Variants in ABCE1 observed in about 807,000 individuals in gnomAD.
ABCE1 encodes the protein ATP-binding cassette sub-family E member 1.
Under a neutral mutation model 83.4 loss-of-function variants are expected in ABCE1, and 22 were observed. The ratio of observed to expected loss-of-function variants is 0.26; its 90% confidence interval spans 0.19 to 0.38. ABCE1 has a LOEUF of 0.38. Among genes scored for constraint, ABCE1 ranks in the 10% least tolerant of loss-of-function variants. The pLI is 1.00. For missense variants in ABCE1, 330 were observed against 721.9 expected, an observed-to-expected ratio of 0.46 and a Z score of 6.22; for synonymous variants, 204 against 233.7, an observed-to-expected ratio of 0.87 and a Z score of 1.16.
At chr4:145,101,048 A>T (rs1047099253) in intron 1 of ABCE1, among the ~76,000 whole-genome samples, 10 of 151,696 alleles carry the variant, frequency 6.6e-5, no homozygotes, top group African/African-American at 2.2e-4. Context: ...AGATGTGTGC[A>T]TATACACCAG....
intron 8 of ABCE1, among the ~76,000 whole-genome samples, chr4:145,111,402 C>T (rs989969438): frequency 6.6e-6 from 1 of 152,224 alleles, no homozygotes; most frequent in African/African-American, 2.4e-5. Flanking sequence ...TGGCTCACTA[C>T]AAGCTCCACC....
intron 16 of ABCE1, 71 bp downstream of exon 16, chr4:145,123,671 T>C: frequency 7.0e-7 from 1 of 1,421,360 alleles, no homozygotes; most frequent in South Asian, 1.4e-5. Flanking sequence ...AGTCACTCAC[T>C]TTAATTTTTA....
At position 145,104,487 on chromosome 4, in the gene ABCE1, CAA is replaced by C. The variant is rs1749243868; in HGVS notation, c.79_80del (p.Lys27GlufsTer36). The C allele has an allele frequency of 6.3e-7, 1 of 1,599,406 alleles. No homozygotes were observed. Among genetic ancestry groups the C allele is most frequent in the Admixed American group, 1.7e-5 (1 of 57,648 alleles). On this transcript the variant is annotated frameshift_variant, in exon 2 of 18. Coordinates refer to ENST00000296577, the MANE Select transcript of ABCE1 (RefSeq NM_002940.3). LOFTEE classifies it high-confidence loss of function. ...CKPKKCRQEC[K>X]KSCPVVRMGK... ...AACCTAAGAAATGTCGACAGGAATG[CAA>C]AAAGAGTTGTCCTGTAGTTCGAATG... is the stretch of plus-strand genomic sequence containing the variant.
chr4:145,114,049 A>G (rs1185195569), intron 9 of ABCE1, among the ~76,000 whole-genome samples: 1 of 152,180 alleles, frequency 6.6e-6, no homozygotes, highest in African/African-American at 2.4e-5. Flanking sequence ...AGATTCAAGG[A>G]GCACAAGTTC....
At chr4:145,116,510 T>C (rs1749609861) in intron 9 of ABCE1, among the ~76,000 whole-genome samples, 1 of 151,936 alleles carries the variant, frequency 6.6e-6, no homozygotes. Flanking sequence ...AGAATTTTTA[T>C]TTGTGTAGGA....
In ABCE1 at chr4:145,127,777, C is replaced by T. The variant is rs1749933152; in HGVS notation, c.*204C>T. 1 of 435,114 alleles carries T rather than the reference C, an allele frequency of 2.3e-6. No individual in the cohort carries two copies. The highest frequency in any genetic ancestry group is 4.2e-5 in the East Asian group (1 of 23,754). The allele number at this position is 435,114 out of a possible 1,614,324, so 27.0% of individuals were successfully genotyped here. On this transcript the variant is annotated 3_prime_UTR_variant, in exon 18 of 18. Coordinates refer to ENST00000296577, the MANE Select transcript of ABCE1 (RefSeq NM_002940.3). ...TGCCACTTTTCTGTTCCTGAAGAGG[C>T]TCTTTTGTGCATAATATTCTAAAAT...
chr4:145,117,559 A>C (rs1284935185), intron 10 of ABCE1, 145 bp downstream of exon 10: 1 of 635,596 alleles, frequency 1.6e-6, no homozygotes, highest in Non-Finnish European at 2.4e-6. Context: ...TGAGCATATA[A>C]GGTTATATAT....
chr4:145,104,417 C>T lies in ABCE1; in HGVS notation c.5C>T (p.Ala2Val). 10 of 1,595,724 alleles carry T rather than the reference C, an allele frequency of 6.3e-6. No individual in the cohort carries two copies. Among genetic ancestry groups the T allele is most frequent in the Non-Finnish European group, 8.5e-6 (10 of 1,171,046 alleles). Residue 2 changes from alanine to valine, a missense_variant, in exon 2 of 18, where the codon GCA (alanine) becomes GTA (valine). Coordinates refer to ENST00000296577, the MANE Select transcript of ABCE1 (RefSeq NM_002940.3). The stretch of plus-strand genomic sequence containing the variant: ...TGGATATTCTTTCGCCCAGTTATGG[C>T]AGACAAGTTAACGAGAATTGCTATT... M[A>V]DKLTRIAIVN... is the part of the protein sequence containing the mutation.
chr4:145,110,771 A>G (rs1749448444), intron 7 of ABCE1, 197 bp from the exon 8 acceptor site: 1 of 553,478 alleles, frequency 1.8e-6, no homozygotes, highest in Non-Finnish European at 3.2e-6. Flanking sequence ...CATTTTGTGT[A>G]TATATTTCAA....
At chr4:145,102,340 A>G (rs944918414) in intron 1 of ABCE1, among the ~76,000 whole-genome samples, 1 of 152,178 alleles carries the variant, frequency 6.6e-6, no homozygotes, top group Non-Finnish European at 1.5e-5. Flanking sequence ...AAATAAAACA[A>G]TGGGAGACGA....
In ABCE1 at chr4:145,127,727, TA is replaced by T; in HGVS notation, c.*157del. ...ATAACATAAAAAGCCAGTTGGGTTC[TA>T]AATTGTAGTTGAAACACAGAAAATG... is the stretch of plus-strand genomic sequence containing the variant. On this transcript the variant is annotated 3_prime_UTR_variant, in exon 18 of 18. Coordinates refer to ENST00000296577, the MANE Select transcript of ABCE1 (RefSeq NM_002940.3). 1 of 505,940 alleles carries T rather than the reference TA, an allele frequency of 2.0e-6. No individual in the cohort carries two copies. The highest frequency in any genetic ancestry group is 3.3e-6 in the Non-Finnish European group (1 of 303,964). 31.3% of individuals were successfully genotyped at this position (505,940 alleles called of 1,614,324 possible). A position where few individuals can be genotyped will look rare whatever the true frequency, so the allele number is the denominator to read the frequency against.
chr4:145,111,810 G>A (rs1460088734), intron 8 of ABCE1, among the ~76,000 whole-genome samples: 1 of 152,112 alleles, frequency 6.6e-6, no homozygotes, highest in Non-Finnish European at 1.5e-5. Context: ...ATTTATTGCT[G>A]CTTTTTCCAC....
At chr4:145,125,772 GGT>G (rs1749864140) in intron 17 of ABCE1, among the ~76,000 whole-genome samples, 1 of 152,164 alleles carries the variant, frequency 6.6e-6, no homozygotes, top group African/African-American at 2.4e-5. Context: ...ATGATTAAAA[GGT>G]GTATTTTAGG....
At chr4:145,122,564 T>A (rs1391397037) in intron 13 of ABCE1, 1 of 152,246 alleles carries the variant, frequency 6.6e-6, no homozygotes, top group Non-Finnish European at 1.5e-5. Flanking sequence ...ACGCATGTAA[T>A]CCCAGCACTT....
In ABCE1 at chr4:145,123,135, C is replaced by A; in HGVS notation, c.1374+4C>A. The A allele has an allele frequency of 1.9e-6, 3 of 1,583,106 alleles. No homozygotes were observed. The highest frequency in any genetic ancestry group is 2.6e-6 in the Non-Finnish European group (3 of 1,170,918). On this transcript the variant is annotated splice_donor_region_variant and intron_variant, in intron 14 of 17. Transcript: ENST00000296577. ...TGAAAACATCATTGATCAAGAGGTA[C>A]TTTAACATAATTTTTTTTATTTTTT... is the stretch of plus-strand genomic sequence containing the variant.
chr4:145,117,045 T>TTA (rs1277781273), intron 9 of ABCE1, among the ~76,000 whole-genome samples: 1 of 151,970 alleles, frequency 6.6e-6, no homozygotes, highest in Non-Finnish European at 1.5e-5. Flanking sequence ...GAAATATGTT[T>TTA]CTTATTAGCA....
At chr4:145,107,946 A>T (rs1749352602) in intron 3 of ABCE1, 69 bp from the exon 4 acceptor site, 1 of 1,154,756 alleles carries the variant, frequency 8.7e-7, no homozygotes, top group South Asian at 1.5e-5. Context: ...AAATATTTTT[A>T]ATCCATTTTA....
chr4:145,109,861 T>A (rs543115075), intron 5 of ABCE1, among the ~76,000 whole-genome samples: 1 of 152,198 alleles, frequency 6.6e-6, no homozygotes, highest in Non-Finnish European at 1.5e-5. Context: ...TAACCTCTTA[T>A]TAGATGCCCT....
intron 16 of ABCE1, 155 bp downstream of exon 16, chr4:145,123,755 C>G: frequency 1.5e-6 from 1 of 669,480 alleles, no homozygotes; most frequent in Non-Finnish European, 2.4e-6. Context: ...CTGGATGGGA[C>G]CATGTGGAAG....
Sources: allele counts gnomAD v4.1 joint callset (sites outside exome capture counted in the v4.1 genomes callset), GRCh38; gene constraint gnomAD v4.1.1; transcripts MANE v1.5; gene names NCBI Gene and HGNC (gene_info 2026-07-23, HGNC 2026-07-21).